The following CDH2 variants were observed in gnomAD, a reference collection of about 807,000 sequenced individuals.
CDH2 encodes cadherin 2.
In CDH2, 17 loss-of-function variants were observed where a neutral mutation model predicts 92.0. The observed-to-expected ratio is 0.18, with a 90% CI of 0.13 to 0.28. The LOEUF (loss-of-function observed/expected upper bound fraction) is 0.28, where lower values mean the gene tolerates loss of function less well. Among genes scored for constraint, CDH2 ranks in the 10% least tolerant of loss-of-function variants. The pLI is 1.00. For synonymous variants in CDH2, 419 were observed against 415.9 expected, an observed-to-expected ratio of 1.01 and a Z score of -0.09; for missense variants, 862 against 1,133.1, an observed-to-expected ratio of 0.76 and a Z score of 3.44.
downstream of CDH2, among the ~76,000 whole-genome samples, chr18:27,949,873 A>C (rs993309205): frequency 3.9e-5 from 6 of 152,002 alleles, no homozygotes; most frequent in Admixed American, 2.0e-4. Context: ...AAACACTTAA[A>C]GTTTATACAT....
At chr18:28,140,518 C>A (rs1191127994) in intron 2 of CDH2, among the ~76,000 whole-genome samples, 1 of 151,792 alleles carries the variant, frequency 6.6e-6, no homozygotes, top group African/African-American at 2.4e-5. Flanking sequence ...AGTGCCCTTA[C>A]AGAAGAGGAC....
chr18:27,961,608 G>C (rs946543189), intron 15 of CDH2, among the ~76,000 whole-genome samples: 1 of 152,132 alleles, frequency 6.6e-6, no homozygotes, highest in African/African-American at 2.4e-5. Flanking sequence ...GGGGACGTGA[G>C]GGGTAGAAGA....
chr18:28,133,090 CACTT>C (rs1401011915), intron 2 of CDH2, among the ~76,000 whole-genome samples: 1 of 152,158 alleles, frequency 6.6e-6, no homozygotes, highest in Non-Finnish European at 1.5e-5. Context: ...TCTGGTTCCT[CACTT>C]ACTTTGACTT....
At chr18:27,997,094 C>A (rs1415891229) in intron 7 of CDH2, among the ~76,000 whole-genome samples, 1 of 152,178 alleles carries the variant, frequency 6.6e-6, no homozygotes, top group East Asian at 1.9e-4. Context: ...AAAAAATAAA[C>A]ATGATGAAAT....
chr18:28,076,886 A>C (rs2014730690), intron 2 of CDH2, among the ~76,000 whole-genome samples: 1 of 152,020 alleles, frequency 6.6e-6, no homozygotes, highest in Non-Finnish European at 1.5e-5. Context: ...TGCAAATCTG[A>C]TAGATGGAAA....
At chr18:27,980,550 C>T (rs2012013094) in intron 14 of CDH2, among the ~76,000 whole-genome samples, 1 of 152,016 alleles carries the variant, frequency 6.6e-6, no homozygotes, top group Admixed American at 6.6e-5. Context: ...CATAAAAACC[C>T]CATTATATAA....
chr18:28,158,337 T>G (rs1033818545), intron 1 of CDH2, among the ~76,000 whole-genome samples: 1 of 152,098 alleles, frequency 6.6e-6, no homozygotes, highest in African/African-American at 2.4e-5. Flanking sequence ...GATCAAGCAA[T>G]AAAGAAATAA....
At chr18:28,077,760 G>A (rs934080990) in intron 2 of CDH2, among the ~76,000 whole-genome samples, 8 of 151,656 alleles carry the variant, frequency 5.3e-5, no homozygotes, top group African/African-American at 1.5e-4. Flanking sequence ...GTGTGGCAGC[G>A]TGTGCCTACA....
chr18:27,935,510 A>C (rs1908996692), intron 6 of CDH2, among the ~76,000 whole-genome samples: 1 of 152,150 alleles, frequency 6.6e-6, no homozygotes, highest in African/African-American at 2.4e-5. Context: ...ACAATTTGAC[A>C]TGAGATTTGG....
Position 27,988,629 on chromosome 18 carries a change from T to C in CDH2, c.1636A>G (p.Ile546Val), listed in dbSNP as rs1475551106. ...KLSDPANWLK[I>V]DPVNGQITTI... ...GTTATTTGTCCATTCACAGGATCTA[T>C]TTTTAGCCAATTGGCAGGATCAGAT... Residue 546 changes from isoleucine (I) to valine (V), a missense_variant, in exon 11 of 16, where the codon ATA becomes GTA. By Grantham distance (29) the Ile-to-Val change is conservative. This residue lies in a region of CDH2 where 564 missense variants were observed against 722.2 expected (regional missense o/e 0.78). Coordinates refer to ENST00000269141, the MANE Select transcript of CDH2 (RefSeq NM_001792.5). The C allele has an allele frequency of 1.2e-6, 2 of 1,607,632 alleles. No individual in the cohort carries two copies. Among genetic ancestry groups the C allele is most frequent in the East Asian group, 2.2e-5 (1 of 44,804 alleles).
At chr18:28,070,583 C>T (rs1218421900) in intron 2 of CDH2, among the ~76,000 whole-genome samples, 1 of 152,190 alleles carries the variant, frequency 6.6e-6, no homozygotes, top group African/African-American at 2.4e-5. Context: ...ATACAACTAG[C>T]CTGTCCTCCA....
intron 6 of CDH2, among the ~76,000 whole-genome samples, 197 bp downstream of exon 6, chr18:28,005,652 A>G (rs2012894341): frequency 6.6e-6 from 1 of 152,070 alleles, no homozygotes; most frequent in Admixed American, 6.5e-5. Context: ...ATGAGTAATA[A>G]GAAGGATTTT....
At chr18:28,066,742 CA>C (rs371551674) in intron 2 of CDH2, among the ~76,000 whole-genome samples, 1,468 of 138,162 alleles carry the variant, frequency 0.011, 15 homozygotes, top group South Asian at 0.041. Flanking sequence ...CTGTAAATTA[CA>C]AAAAAAAAAA....
intron 1 of CDH2, among the ~76,000 whole-genome samples, chr18:28,158,245 C>T (rs559993560): frequency 6.6e-6 from 1 of 152,236 alleles, no homozygotes; most frequent in African/African-American, 2.4e-5. Context: ...TGCATTGCAG[C>T]GAAAGGAGGC....
In CDH2 at chr18:28,060,952, T is replaced by C. The variant is rs377459360; in HGVS notation, c.173-47043A>G. On this transcript the variant is annotated intron_variant, in intron 2 of 15. Transcript: ENST00000269141. Reference sequence around the variant, plus strand: ...TTTGCTACTTCTCATGCAAATTCATTTTTTTACTTAATCATACCAATCTTA... The same window carrying C: ...TTTGCTACTTCTCATGCAAATTCATCTTTTTACTTAATCATACCAATCTTA... Among the ~76,000 whole-genome samples, 16 of 152,328 alleles carry C rather than the reference T, an allele frequency of 1.1e-4. No individual in the cohort carries two copies. The East Asian group carries it at 2.7e-3, about 26-fold the overall frequency.
chr18:27,990,056 C>T (rs1324110199), intron 10 of CDH2, 41 bp downstream of exon 10: 1 of 1,585,800 alleles, frequency 6.3e-7, no homozygotes, highest in South Asian at 1.1e-5. Flanking sequence ...CAGCATAGAA[C>T]ATAAGTAAGC....
intron 14 of CDH2, among the ~76,000 whole-genome samples, chr18:27,973,160 C>T (rs1335537772): frequency 6.6e-6 from 1 of 152,096 alleles, no homozygotes; most frequent in Admixed American, 6.6e-5. Flanking sequence ...AATGTGCTTT[C>T]TGTGTCACCA....
intron 1 of CDH2, among the ~76,000 whole-genome samples, chr18:28,164,798 G>T (rs927185864): frequency 1.3e-5 from 2 of 152,158 alleles, no homozygotes; most frequent in African/African-American, 4.8e-5. Flanking sequence ...TATACCTGTT[G>T]TTTCCAAATC....
intron 2 of CDH2, among the ~76,000 whole-genome samples, chr18:28,043,150 A>C (rs2013981792): frequency 6.6e-6 from 1 of 152,106 alleles, no homozygotes; most frequent in African/African-American, 2.4e-5. Context: ...CCTTTGCAGC[A>C]ACTTGGATGG....
Sources: allele counts gnomAD v4.1 joint callset (sites outside exome capture counted in the v4.1 genomes callset), GRCh38; gene constraint gnomAD v4.1.1; regional missense constraint gnomAD v4.1.1; transcripts MANE v1.5; gene names NCBI Gene and HGNC (gene_info 2026-07-23, HGNC 2026-07-21).